Variants in FER1L6 observed in about 807,000 individuals in gnomAD.
The protein encoded by FER1L6 is fer-1-like protein 6.
FER1L6 carries 177 observed loss-of-function variants against 219.2 expected under a neutral mutation model. The observed-to-expected ratio is 0.81, with a 90% CI of 0.71 to 0.91. The LOEUF is 0.91. Among genes scored for constraint, FER1L6 ranks in the 40% least tolerant of loss-of-function variants. The pLI is 0.00. For missense variants in FER1L6, 2,153 were observed against 2,259.9 expected, an observed-to-expected ratio of 0.95 and a Z score of 0.96; for synonymous variants, 768 against 824.3, an observed-to-expected ratio of 0.93 and a Z score of 1.17.
At chr8:123,885,941 A>G (rs1817193744) in intron 1 of FER1L6, among the ~76,000 whole-genome samples, 1 of 152,154 alleles carries the variant, frequency 6.6e-6, no homozygotes, top group Non-Finnish European at 1.5e-5. Context: ...AAACATTGTG[A>G]TGTTTTCTCA....
intron 11 of FER1L6, 180 bp from the exon 12 acceptor site, chr8:123,985,888 T>C (rs1281568933): frequency 1.8e-6 from 1 of 566,588 alleles, no homozygotes; most frequent in Non-Finnish European, 3.1e-6. Context: ...AATTTGGATC[T>C]GCAGTTTGCA....
At position 124,101,328 on chromosome 8, in the gene FER1L6, T is replaced by A. The variant is rs953978307; in HGVS notation, c.5115T>A (p.Asp1705Glu). The change falls in exon 38 of 41, where the codon GAT (aspartate) becomes GAA (glutamate). Residue 1705 changes from aspartate (D) to glutamate (E), a missense_variant. By Grantham distance (45) the Asp-to-Glu change is conservative. Coordinates refer to ENST00000522917, the MANE Select transcript of FER1L6 (RefSeq NM_001039112.2). ...GGGATTTTGAAAGGCTGTCCTCAGA[T>A]GACTTCCTGGGTAAGCCAGTGGCTT... ...QVWDFERLSS[D>E]DFLGTLEMNL... 1.2e-6 allele frequency: 2 copies of A among 1,613,186 alleles called. No individual in the cohort carries two copies. The highest frequency in any genetic ancestry group is 1.1e-5 in the South Asian group (1 of 91,060).
At chr8:124,037,885 A>G (rs963360839) in intron 19 of FER1L6, among the ~76,000 whole-genome samples, 1 of 151,562 alleles carries the variant, frequency 6.6e-6, no homozygotes, top group African/African-American at 2.4e-5. Context: ...CCCCTCCACC[A>G]GTGCCTAAAC....
chr8:124,028,799 C>T (rs1264095170), intron 18 of FER1L6, among the ~76,000 whole-genome samples: 1 of 152,054 alleles, frequency 6.6e-6, no homozygotes, highest in Non-Finnish European at 1.5e-5. Context: ...CTTTAAGTTC[C>T]GGGATACATG....
At chr8:124,080,147 G>A (rs1202281795) in intron 32 of FER1L6, among the ~76,000 whole-genome samples, 1 of 152,164 alleles carries the variant, frequency 6.6e-6, no homozygotes, top group African/African-American at 2.4e-5. Context: ...TTGTTCCTCT[G>A]AAGCTCAGAG....
intron 1 of FER1L6, among the ~76,000 whole-genome samples, chr8:123,870,529 A>C (rs1816368): frequency 0.3 from 46,391 of 152,158 alleles, 7,907 homozygotes; most frequent in Middle Eastern, 0.4. Flanking sequence ...TCTTCAATGC[A>C]TATTGCCAAG....
chr8:123,978,338 C>T (rs372476856), intron 10 of FER1L6, among the ~76,000 whole-genome samples: 17 of 151,990 alleles, frequency 1.1e-4, no homozygotes, highest in East Asian at 3.9e-4. Context: ...AGCCTGAGAG[C>T]GCAGGAATAG....
intron 1 of FER1L6, among the ~76,000 whole-genome samples, chr8:123,886,720 G>T (rs1817209507): frequency 1.3e-5 from 2 of 152,034 alleles, no homozygotes; most frequent in African/African-American, 4.8e-5. Flanking sequence ...GTCCTGATTT[G>T]GATGATAATT....
At chr8:124,118,640 T>C (rs1823347713) in intron 39 of FER1L6, among the ~76,000 whole-genome samples, 1 of 152,222 alleles carries the variant, frequency 6.6e-6, no homozygotes, top group East Asian at 1.9e-4. Flanking sequence ...AATCTTGAAA[T>C]AACATCATTC....
At chr8:123,909,518 G>A (rs1186034697) in intron 1 of FER1L6, among the ~76,000 whole-genome samples, 1 of 152,130 alleles carries the variant, frequency 6.6e-6, no homozygotes, top group East Asian at 1.9e-4. Flanking sequence ...GAGAACTAAT[G>A]AGGATCTGAG....
At chr8:123,992,523 T>G (rs1816908289) in intron 12 of FER1L6, among the ~76,000 whole-genome samples, 1 of 152,178 alleles carries the variant, frequency 6.6e-6, no homozygotes, top group African/African-American at 2.4e-5. Flanking sequence ...GAATGATCTT[T>G]TGTATTTTTG....
At position 124,013,812 on chromosome 8, in the gene FER1L6, C is replaced by A. The variant is rs535348686; in HGVS notation, c.1922+281C>A. On this transcript the variant is annotated intron_variant, in intron 15 of 40. Transcript: ENST00000522917. ...GAAAAATGCTAGTAGTGTTAGTGTA[C>A]CAGCATAGTGCTGTGCATGTGGTAG... is the stretch of plus-strand genomic sequence containing the variant. The A allele has an allele frequency of 5.4e-4, 118 of 218,166 alleles. 3 individuals carry two copies. In the South Asian group the frequency reaches 9.0e-3, roughly 17 times the overall value. The allele number at this position is 218,166 out of a possible 1,614,324, so 13.5% of individuals were successfully genotyped here.
At chr8:123,859,551 T>TC (rs1016796864) in intron 1 of FER1L6, among the ~76,000 whole-genome samples, 4 of 150,292 alleles carry the variant, frequency 2.7e-5, no homozygotes, top group African/African-American at 4.9e-5. Context: ...TCTGTTTCTT[T>TC]TTTTTTTTTT....
At chr8:124,059,390 T>A (rs991273643) in intron 22 of FER1L6, among the ~76,000 whole-genome samples, 2 of 152,040 alleles carry the variant, frequency 1.3e-5, no homozygotes, top group Non-Finnish European at 2.9e-5. Flanking sequence ...TCAAAAGGCA[T>A]TGAATGGTAG....
chr8:124,009,572 T>A (rs1817818911), intron 13 of FER1L6, among the ~76,000 whole-genome samples: 1 of 151,248 alleles, frequency 6.6e-6, no homozygotes, highest in South Asian at 2.1e-4. Context: ...TGTTCTAATT[T>A]AAGGATCATG....
At chr8:123,865,762 C>T (rs1263011794) in intron 1 of FER1L6, among the ~76,000 whole-genome samples, 2 of 151,404 alleles carry the variant, frequency 1.3e-5, no homozygotes, top group Non-Finnish European at 2.9e-5. Context: ...GTCCGTCACC[C>T]CTTTCTTTGA....
chr8:124,085,125 TG>T (rs1284488787), intron 33 of FER1L6, among the ~76,000 whole-genome samples: 30 of 152,130 alleles, frequency 2.0e-4, no homozygotes, highest in Non-Finnish European at 4.4e-5. Flanking sequence ...TTGGTTGTAA[TG>T]TCTTCTTTAT....
Position 124,045,827 on chromosome 8 carries a change from C to A in FER1L6, c.2650C>A (p.Leu884Met), listed in dbSNP as rs781747549. The change falls in exon 21 of 41, where the codon CTG (leucine) becomes ATG (methionine). Residue 884 changes from leucine to methionine, a missense_variant. Leu to Met is a conservative substitution (Grantham distance 15). Coordinates refer to ENST00000522917, the MANE Select transcript of FER1L6 (RefSeq NM_001039112.2). ...GATGCTGCTGTTCAATGATTTGGTG[C>A]TGCATGGAGATGTGAAGGAGCTGGC... ...NQMLLFNDLV[L>M]HGDVKELAES... The A allele has an allele frequency of 6.2e-7, 1 of 1,614,096 alleles. No homozygotes were observed. Among genetic ancestry groups the A allele is most frequent in the Non-Finnish European group, 8.5e-7 (1 of 1,180,000 alleles).
At chr8:123,928,624 G>A (rs961349800) in intron 1 of FER1L6, among the ~76,000 whole-genome samples, 3 of 152,182 alleles carry the variant, frequency 2.0e-5, no homozygotes, top group African/African-American at 7.2e-5. Flanking sequence ...TTCAAGCCTG[G>A]TTCTCTGTGC....
Sources: gnomAD v4.1 joint callset for allele counts (sites outside exome capture counted in the v4.1 genomes callset) on GRCh38, gnomAD v4.1.1 for gene constraint, MANE v1.5 for transcripts, NCBI Gene and HGNC (gene_info 2026-07-23, HGNC 2026-07-21) for gene names.